Variants in NDUFAF6 observed in about 807,000 individuals in gnomAD.
NDUFAF6 encodes the protein NADH dehydrogenase (ubiquinone) complex I, assembly factor 6.
NDUFAF6 carries 45 observed loss-of-function variants against 40.8 expected under a neutral mutation model. The observed-to-expected ratio is 1.10, with a 90% CI of 0.87 to 1.42. The LOEUF is 1.42. Among genes scored for constraint, NDUFAF6 ranks in the 40% most tolerant of loss-of-function variants. The pLI, the probability that NDUFAF6 is intolerant of heterozygous loss-of-function variation, is 0.00. For synonymous variants in NDUFAF6, 185 were observed against 155.9 expected (o/e 1.19, Z -1.39); for missense variants, 435 against 418.5 (o/e 1.04, Z -0.34).
At chr8:95,100,671 GC>G (rs1260090788) in intron 1 of NDUFAF6, 3 of 152,206 alleles carry the variant, frequency 2.0e-5, no homozygotes, top group Admixed American at 1.3e-4. Context: ...AAATGACGCA[GC>G]TTCCAGTATG....
chr8:94,918,453 C>G (rs1266808484), intron 1 of NDUFAF6, among the ~76,000 whole-genome samples: 1 of 152,168 alleles, frequency 6.6e-6, no homozygotes, highest in African/African-American at 2.4e-5. Context: ...CTGGTCAGCT[C>G]TTTAATTACT....
At chr8:95,097,667 C>T (rs965216404), upstream of NDUFAF6, among the ~76,000 whole-genome samples, 1 of 152,160 alleles carries the variant, frequency 6.6e-6, no homozygotes, top group African/African-American at 2.4e-5. Context: ...CCATTGCACT[C>T]TAGCCTGGGC....
intron 1 of NDUFAF6, chr8:94,940,051 C>T: frequency 6.2e-7 from 1 of 1,614,224 alleles, no homozygotes; most frequent in Non-Finnish European, 8.5e-7. Flanking sequence ...TAAACCAGCT[C>T]TCCTCCATTG....
chr8:95,031,956 A>G, intron 1 of NDUFAF6, 39 bp from the exon 2 acceptor site: 1 of 1,572,814 alleles, frequency 6.4e-7, no homozygotes, highest in Non-Finnish European at 8.8e-7. Context: ...GCAGCTTGGA[A>G]AGTGAAGAGT....
intron 1 of NDUFAF6, among the ~76,000 whole-genome samples, chr8:94,908,699 G>A (rs562578189): frequency 5.3e-5 from 8 of 152,154 alleles, no homozygotes; most frequent in South Asian, 4.2e-4. Flanking sequence ...CATCTTTATC[G>A]TTCACAAGTA....
At chr8:95,019,136 A>C (rs1464543325) in intron 2 of NDUFAF6, among the ~76,000 whole-genome samples, 1 of 152,140 alleles carries the variant, frequency 6.6e-6, no homozygotes, top group Non-Finnish European at 1.5e-5. Flanking sequence ...TCAGCCTCCC[A>C]AGTAGCTGGG....
intron 1 of NDUFAF6, among the ~76,000 whole-genome samples, chr8:94,919,815 T>C (rs1819379604): frequency 6.6e-6 from 1 of 152,362 alleles, no homozygotes; most frequent in Admixed American, 6.5e-5. Flanking sequence ...CTCTGTATTA[T>C]CTGAATTTGT....
chr8:95,064,387 TG>T (rs1832649106), intron 9 of NDUFAF6, among the ~76,000 whole-genome samples: 1 of 152,224 alleles, frequency 6.6e-6, no homozygotes, highest in Non-Finnish European at 1.5e-5. Flanking sequence ...AAAATGAATA[TG>T]TTTATTTTCT....
chr8:95,080,445 T>A (rs1323660478), downstream of NDUFAF6, among the ~76,000 whole-genome samples: 1 of 148,360 alleles, frequency 6.7e-6, no homozygotes, highest in African/African-American at 2.5e-5. Context: ...TGTATTTTTG[T>A]AGTGATTTTT....
rs201300497 is a variant in NDUFAF6 at position 95,082,076 on chromosome 8, CA to C, written n.213+6337del. 9.4e-3 allele frequency among the ~76,000 whole-genome samples: 1,398 copies of C among 148,958 alleles called. 11 individuals are homozygous for C. The highest frequency in any genetic ancestry group is 0.013 in the Admixed American group (202 of 15,016). ...GAGACTCCGTCTCAAAAAAAAACAA[CA>C]AAAAAAAAAAAACTCCTGTTGTTAA... On this transcript the variant is annotated intron_variant and non_coding_transcript_variant, in intron 2 of 5. Transcript: ENST00000523184.
intron 1 of NDUFAF6, among the ~76,000 whole-genome samples, chr8:94,904,142 TTTG>T (rs1818212779): frequency 6.6e-6 from 1 of 151,650 alleles, no homozygotes; most frequent in Admixed American, 6.6e-5. Context: ...TTGTGGTTTT[TTTG>T]TTTTTTGGTT....
At chr8:94,903,651 A>G (rs1818177451) in intron 1 of NDUFAF6, among the ~76,000 whole-genome samples, 1 of 152,220 alleles carries the variant, frequency 6.6e-6, no homozygotes, top group South Asian at 2.1e-4. Flanking sequence ...AATAGGCTTC[A>G]GCTATATCTG....
chr8:94,899,826 A>T (rs895343715), intron 1 of NDUFAF6, among the ~76,000 whole-genome samples: 6 of 152,126 alleles, frequency 3.9e-5, no homozygotes, highest in Non-Finnish European at 8.8e-5. Context: ...CTTCCAAAGC[A>T]CAGATGCCAC....
intron 1 of NDUFAF6, among the ~76,000 whole-genome samples, chr8:94,976,501 CAAAAAAAA>C (rs35323204): frequency 3.3e-5 from 3 of 91,950 alleles, no homozygotes; most frequent in African/African-American, 1.4e-4. Context: ...CACTCCATCT[CAAAAAAAA>C]AAAAAAAAAA....
chr8:95,101,106 CCT>C (rs1440663297), intron 1 of NDUFAF6: 2 of 152,234 alleles, frequency 1.3e-5, no homozygotes, highest in Non-Finnish European at 2.9e-5. Flanking sequence ...ATAGTAATTG[CCT>C]GCAATACATT....
intron 1 of NDUFAF6, among the ~76,000 whole-genome samples, chr8:94,977,492 C>T (rs949206855): frequency 1.3e-5 from 2 of 149,112 alleles, no homozygotes; most frequent in African/African-American, 2.5e-5. Flanking sequence ...CTCTGCACTC[C>T]AGCCTGAGCA....
At chr8:94,984,448 G>T (rs1430759651) in intron 2 of NDUFAF6, among the ~76,000 whole-genome samples, 1 of 152,094 alleles carries the variant, frequency 6.6e-6, no homozygotes, top group Non-Finnish European at 1.5e-5. Context: ...AAGTATTTTG[G>T]TAGCTCTTTT....
chr8:94,944,810 C>T (rs188404467), intron 1 of NDUFAF6, among the ~76,000 whole-genome samples: 5 of 152,286 alleles, frequency 3.3e-5, no homozygotes, highest in Admixed American at 2.0e-4. Context: ...GCTTCAGTCT[C>T]ACTGTTGGGA....
chr8:94,921,384 A>T (rs1361381047), intron 1 of NDUFAF6, among the ~76,000 whole-genome samples: 1 of 152,130 alleles, frequency 6.6e-6, no homozygotes, highest in Non-Finnish European at 1.5e-5. Context: ...TCCTTGAGCT[A>T]TCCTTGGCCA....
Sources: gnomAD v4.1 joint callset for allele counts (sites outside exome capture counted in the v4.1 genomes callset) on GRCh38, gnomAD v4.1.1 for gene constraint, MANE v1.5 for transcripts, NCBI Gene and HGNC (gene_info 2026-07-23, HGNC 2026-07-21) for gene names.